Variants in IKZF3 observed in about 807,000 individuals in gnomAD.
The protein encoded by IKZF3 is zinc finger protein Aiolos.
A neutral mutation model predicts 49.0 loss-of-function variants in IKZF3; 10 were observed. That is an observed-to-expected ratio of 0.20 (90% CI 0.13 to 0.35). The LOEUF (loss-of-function observed/expected upper bound fraction) is 0.35. Ranked by LOEUF, IKZF3 falls within the 10% of genes least tolerant of loss-of-function variation. The pLI is 1.00. For synonymous variants in IKZF3, 209 were observed against 228.2 expected (o/e 0.92, Z 0.76); for missense variants, 498 against 664.8 (o/e 0.75, Z 2.76).
At chr17:39,819,725 A>G (rs2061758179) in intron 3 of IKZF3, among the ~76,000 whole-genome samples, 1 of 152,190 alleles carries the variant, frequency 6.6e-6, no homozygotes, top group Admixed American at 6.5e-5. Context: ...GCTGGAGTGC[A>G]GTGGTGCAAT....
At chr17:39,790,479 G>T (rs1329412206) in intron 5 of IKZF3, among the ~76,000 whole-genome samples, 1 of 152,070 alleles carries the variant, frequency 6.6e-6, no homozygotes, top group East Asian at 1.9e-4. Context: ...TAATCCTAGT[G>T]GCTGAATTAT....
rs1208610698 is a variant in IKZF3 at position 39,765,583 on chromosome 17, AG to A, written c.*206del. 2.0e-6 allele frequency: 1 copy of A among 492,888 alleles called. No homozygotes were observed. Among genetic ancestry groups the A allele is most frequent in the Non-Finnish European group, 3.6e-6 (1 of 279,774 alleles). 30.5% of individuals were successfully genotyped at this position (492,888 alleles called of 1,614,324 possible). A position where few individuals can be genotyped will look rare whatever the true frequency, so the allele number is the denominator to read the frequency against. ...ATTCAAGTCCCTGATGGGAAAACAA[AG>A]GTTTCACAAAAGTAATAATATGCTA... On this transcript the variant is annotated 3_prime_UTR_variant, in exon 8 of 8. Coordinates refer to ENST00000346872, the MANE Select transcript of IKZF3 (RefSeq NM_012481.5).
At position 39,764,092 on chromosome 17, in the gene IKZF3, T is replaced by A. The variant is rs919366376; in HGVS notation, c.*1698A>T. The A allele has an allele frequency of 1.3e-5, 2 of 152,182 alleles. No individual in the cohort carries two copies. Among genetic ancestry groups the A allele is most frequent in the African/African-American group, 4.8e-5 (2 of 41,448 alleles). 9.4% of individuals were successfully genotyped at this position (152,182 alleles called of 1,614,324 possible). A position where few individuals can be genotyped will look rare whatever the true frequency, so the allele number is the denominator to read the frequency against. ...CTGGTCTCGAACTCCTGACCTCAAA[T>A]GATGCGCCTGCCTCGGCTTCCCAAA... On this transcript the variant is annotated 3_prime_UTR_variant, in exon 8 of 8. Transcript: ENST00000346872.
chr17:39,841,283 C>A (rs1399872423), intron 1 of IKZF3, among the ~76,000 whole-genome samples: 4 of 151,930 alleles, frequency 2.6e-5, no homozygotes, highest in Admixed American at 2.0e-4. Flanking sequence ...CTGGCCTGGA[C>A]TGCTGGAGCC....
intron 1 of IKZF3, among the ~76,000 whole-genome samples, chr17:39,840,785 A>C (rs1470547158): frequency 2.6e-5 from 4 of 152,196 alleles, no homozygotes; most frequent in African/African-American, 9.7e-5. Context: ...GATGAGAAAA[A>C]TGTCCATGCA....
intron 3 of IKZF3, among the ~76,000 whole-genome samples, chr17:39,796,991 C>A (rs1169803982): frequency 6.6e-6 from 1 of 151,312 alleles, no homozygotes; most frequent in East Asian, 2.0e-4. Flanking sequence ...GGTGAAACCC[C>A]ATCTCTACTA....
chr17:39,768,588 T>G (rs2060355390), intron 7 of IKZF3, among the ~76,000 whole-genome samples: 1 of 152,190 alleles, frequency 6.6e-6, no homozygotes, highest in African/African-American at 2.4e-5. Flanking sequence ...TTTGTGACCT[T>G]GGGCAAGTCA....
chr17:39,811,420 AAAGGAAGGAAGGAAAGG>A (rs1338171060), intron 3 of IKZF3, among the ~76,000 whole-genome samples: 2 of 151,302 alleles, frequency 1.3e-5, no homozygotes, highest in East Asian at 1.9e-4. Context: ...GGAAGGAAGA[AAAGGAAGGAAGGAAAGG>A]AAGGAAGGAA....
chr17:39,797,116 G>C (rs1366667665), intron 3 of IKZF3, among the ~76,000 whole-genome samples: 2 of 150,918 alleles, frequency 1.3e-5, no homozygotes, highest in Non-Finnish European at 2.9e-5. Flanking sequence ...AGTGAGCTGA[G>C]ATCCCACCAC....
At chr17:39,824,876 C>T (rs34925681) in intron 3 of IKZF3, among the ~76,000 whole-genome samples, 8,653 of 151,914 alleles carry the variant, frequency 0.057, 379 homozygotes, top group African/African-American at 0.12. Flanking sequence ...TTTGTATTTT[C>T]AGTAGAGACA....
Position 39,758,496 on chromosome 17 carries a change from T to A in IKZF3, c.*7294A>T, listed in dbSNP as rs1201589740. Reference sequence around the variant, plus strand: ...AAAGCGGCACTTACAGAGTGTGAGATAGACACAGATCTGTGGCGAGGGATT... The same window carrying A: ...AAAGCGGCACTTACAGAGTGTGAGAAAGACACAGATCTGTGGCGAGGGATT... On this transcript the variant is annotated 3_prime_UTR_variant, in exon 8 of 8. Coordinates refer to ENST00000346872, the MANE Select transcript of IKZF3 (RefSeq NM_012481.5). 1 of 152,138 alleles carries A rather than the reference T, an allele frequency of 6.6e-6. No homozygotes were observed. Among genetic ancestry groups the A allele is most frequent in the Non-Finnish European group, 1.5e-5 (1 of 68,038 alleles). The allele number at this position is 152,138 out of a possible 1,614,324, so 9.4% of individuals were successfully genotyped here. A position where few individuals can be genotyped will look rare whatever the true frequency, so the allele number is the denominator to read the frequency against.
At chr17:39,766,565 G>A in intron 7 of IKZF3, 72 bp from the exon 8 acceptor site, 1 of 1,319,596 alleles carries the variant, frequency 7.6e-7, no homozygotes, top group Middle Eastern at 2.7e-4. Context: ...ATTTTCTAGA[G>A]ACCTCAAAAA....
In IKZF3 at chr17:39,802,200, T is replaced by C. The variant is rs367992455; in HGVS notation, c.164-9267A>G. Among the ~76,000 whole-genome samples the C allele has an allele frequency of 6.5e-5, 7 of 107,594 alleles. No homozygotes were observed. In the Admixed American group the frequency reaches 7.4e-4, roughly 11 times the overall value. 70.6% of individuals were successfully genotyped at this position (107,594 alleles called of 152,430 possible). ...TCGCACCACTGCACTCCAGCCTGGG[T>C]GACAGAGTGAGACTCCATCTCAAAA... On this transcript the variant is annotated intron_variant, in intron 3 of 7. Transcript: ENST00000346872.
intron 3 of IKZF3, among the ~76,000 whole-genome samples, chr17:39,820,029 AGGGCTTTC>A (rs2061767954): frequency 6.6e-6 from 1 of 152,154 alleles, no homozygotes; most frequent in African/African-American, 2.4e-5. Context: ...TAACTGACCT[AGGGCTTTC>A]ATTTAGTCAC....
intron 5 of IKZF3, 52 bp from the exon 6 acceptor site, chr17:39,788,426 G>T (rs1474857398): frequency 1.8e-6 from 2 of 1,127,548 alleles, no homozygotes; most frequent in Admixed American, 1.7e-5. Context: ...TTCCACACAG[G>T]TCAGGTATTG....
At position 39,856,054 on chromosome 17, in the gene IKZF3, G is replaced by A. The variant is rs1452508631; in HGVS notation, c.7+8066C>T. 2.3e-5 allele frequency among the ~76,000 whole-genome samples: 3 copies of A among 132,796 alleles called. 1 individual carries two copies. The highest frequency in any genetic ancestry group is 3.2e-5 in the African/African-American group (1 of 31,038). 87.1% of individuals were successfully genotyped at this position (132,796 alleles called of 152,430 possible). A position where few individuals can be genotyped will look rare whatever the true frequency, so the allele number is the denominator to read the frequency against. On this transcript the variant is annotated intron_variant, in intron 1 of 7. Coordinates refer to ENST00000346872, the MANE Select transcript of IKZF3 (RefSeq NM_012481.5). ...ACAATATAACATGTATATTGTATATGTACAATATAACATGTATATTGTATA... is the reference window on the plus strand; with the variant it reads ...ACAATATAACATGTATATTGTATATATACAATATAACATGTATATTGTATA...
chr17:39,818,790 G>A (rs548729326), intron 3 of IKZF3, among the ~76,000 whole-genome samples: 2 of 152,136 alleles, frequency 1.3e-5, no homozygotes, highest in South Asian at 2.1e-4. Context: ...ATTAGGAGGC[G>A]GAGTTTGCAG....
intron 1 of IKZF3, among the ~76,000 whole-genome samples, chr17:39,847,899 G>A (rs907004376): frequency 3.9e-5 from 6 of 152,142 alleles, no homozygotes; most frequent in Non-Finnish European, 8.8e-5. Flanking sequence ...AATTTAAATC[G>A]TGTTTTAAAT....
At chr17:39,809,112 G>A (rs763537734) in intron 3 of IKZF3, among the ~76,000 whole-genome samples, 8 of 152,324 alleles carry the variant, frequency 5.3e-5, no homozygotes, top group Non-Finnish European at 1.2e-4. Context: ...GATGAATATA[G>A]TGAAATATCT....
Sources: allele counts gnomAD v4.1 joint callset (sites outside exome capture counted in the v4.1 genomes callset), GRCh38; gene constraint gnomAD v4.1.1; transcripts MANE v1.5; gene names NCBI Gene and HGNC (gene_info 2026-07-23, HGNC 2026-07-21).